Variants in SYNPO observed in about 807,000 individuals in gnomAD.
The protein encoded by SYNPO is synaptopodin.
SYNPO carries 19 observed loss-of-function variants against 49.5 expected under a neutral mutation model. The observed-to-expected ratio is 0.38, with a 90% CI of 0.27 to 0.56. The LOEUF (loss-of-function observed/expected upper bound fraction) is 0.56, where lower values mean the gene tolerates loss of function less well. SYNPO is among the 20% of genes least tolerant of loss of function. The pLI, the probability that SYNPO is intolerant of heterozygous loss-of-function variation, is 0.68. For missense variants in SYNPO, 1,131 were observed against 1,248.3 expected, an observed-to-expected ratio of 0.91 and a Z score of 1.42; for synonymous variants, 536 against 548.0, an observed-to-expected ratio of 0.98 and a Z score of 0.31.
chr5:150,621,031 C>A (rs1242812036), intron 2 of SYNPO, among the ~76,000 whole-genome samples: 1 of 148,334 alleles, frequency 6.7e-6, no homozygotes, highest in African/African-American at 2.5e-5. Flanking sequence ...CGGCTCATTG[C>A]GACCTCCGCC....
rs949229773 is a variant in SYNPO at position 150,646,215 on chromosome 5, C to T, written c.-332-1729C>T. Reference sequence around the variant, plus strand: ...ATTGGCTAAGTGTGGTGGCGCACACCGATAGTCCAGATATTTGGGAGGCCG... The same window carrying T: ...ATTGGCTAAGTGTGGTGGCGCACACTGATAGTCCAGATATTTGGGAGGCCG... On this transcript the variant is annotated intron_variant, in intron 1 of 2. Coordinates refer to ENST00000307662, the MANE Select transcript of SYNPO (RefSeq NM_007286.6). Among the ~76,000 whole-genome samples the T allele has an allele frequency of 2.0e-5, 3 of 150,714 alleles. No individual in the cohort carries two copies. The East Asian group carries it at 5.8e-4, about 29-fold the overall frequency.
intron 2 of SYNPO, chr5:150,650,933 TCC>T: frequency 1.6e-6 from 2 of 1,253,066 alleles, no homozygotes; most frequent in South Asian, 8.1e-5. Flanking sequence ...CCGCCTGCGC[TCC>T]CCTCCAGGGT....
chr5:150,591,378 T>G, the SYNPO span, among the ~76,000 whole-genome samples: 2 of 152,182 alleles, frequency 1.3e-5, no homozygotes, highest in Non-Finnish European at 2.9e-5. Flanking sequence ...CATGCGCAGC[T>G]GAGCCCCCAG....
chr5:150,654,566 G>A lies in SYNPO; in HGVS notation c.2029-1838G>A, dbSNP rs116782177. The stretch of plus-strand genomic sequence containing the variant: ...CTTAAGTACATAGGAAACAGGTATG[G>A]CTCTGCATCGCTGACCAGTGCTTCA... On this transcript the variant is annotated intron_variant, in intron 2 of 2. Coordinates refer to ENST00000307662, the MANE Select transcript of SYNPO (RefSeq NM_007286.6). Among the ~76,000 whole-genome samples the A allele has an allele frequency of 3.4e-3, 512 of 152,268 alleles. 3 individuals are homozygous for A. The highest frequency in any genetic ancestry group is 0.012 in the African/African-American group (484 of 41,554).
upstream of SYNPO, among the ~76,000 whole-genome samples, chr5:150,637,784 T>G (rs1433292981): frequency 6.6e-6 from 1 of 152,228 alleles, no homozygotes; most frequent in Non-Finnish European, 1.5e-5. Flanking sequence ...CAGGGCGCTG[T>G]CCTTCACTTT....
intron 1 of SYNPO, 49 bp from the exon 2 acceptor site, chr5:150,647,895 G>C: frequency 6.6e-7 from 1 of 1,512,854 alleles, no homozygotes; most frequent in Non-Finnish European, 8.9e-7. Flanking sequence ...GTGCACCCCT[G>C]TGTCACTGCA....
intron 2 of SYNPO, among the ~76,000 whole-genome samples, chr5:150,622,321 A>C (rs972408094): frequency 6.6e-6 from 1 of 152,158 alleles, no homozygotes; most frequent in Non-Finnish European, 1.5e-5. Context: ...CACCCTCTCT[A>C]CTGCCTGTCT....
At chr5:150,588,850 A>C in the SYNPO span, among the ~76,000 whole-genome samples, 1 of 152,290 alleles carries the variant, frequency 6.6e-6, no homozygotes, top group Admixed American at 6.5e-5. Context: ...TACAAAAAAA[A>C]GGCAGCAAAC....
upstream of SYNPO, among the ~76,000 whole-genome samples, chr5:150,598,765 T>A (rs765520451): frequency 2.0e-5 from 3 of 151,986 alleles, no homozygotes; most frequent in Non-Finnish European, 4.4e-5. Context: ...ACACAACTCA[T>A]GGACTTTCCA....
intron 1 of SYNPO, among the ~76,000 whole-genome samples, chr5:150,606,394 C>T (rs1017770348): frequency 2.0e-5 from 3 of 152,252 alleles, no homozygotes; most frequent in Non-Finnish European, 4.4e-5. Flanking sequence ...ATTGTTTCAT[C>T]CTCACAACCA....
intron 2 of SYNPO, among the ~76,000 whole-genome samples, chr5:150,634,301 G>A (rs972671159): frequency 3.9e-5 from 6 of 152,198 alleles, no homozygotes; most frequent in Non-Finnish European, 8.8e-5. Flanking sequence ...ACTTGCCAGA[G>A]GCCTCACATT....
At chr5:150,652,105 CA>C (rs1758409447) in intron 2 of SYNPO, 1 of 1,000,782 alleles carries the variant, frequency 1.0e-6, no homozygotes. Flanking sequence ...TTAGTGAGCT[CA>C]TTTCACACAG....
chr5:150,644,907 G>C (rs1758033645), intron 1 of SYNPO, among the ~76,000 whole-genome samples: 1 of 152,210 alleles, frequency 6.6e-6, no homozygotes, highest in African/African-American at 2.4e-5. Context: ...TAATATCATG[G>C]GTGGGTGGGA....
chr5:150,608,020 C>T (rs141620536), intron 1 of SYNPO, among the ~76,000 whole-genome samples: 18 of 152,284 alleles, frequency 1.2e-4, no homozygotes, highest in African/African-American at 4.1e-4. Flanking sequence ...GGCTAGTGGC[C>T]GCCATGTTGG....
At chr5:150,588,224 T>C in the SYNPO span, among the ~76,000 whole-genome samples, 2 of 152,200 alleles carry the variant, frequency 1.3e-5, no homozygotes, top group Non-Finnish European at 2.9e-5. Flanking sequence ...TCCAACTCCC[T>C]CTTGAGCCAG....
rs764551405 is a variant in SYNPO, at chr5:150,650,140, G to C, written c.1865G>C (p.Gly622Ala). ...CCTCGGCCCTCGCGCTCCTCACCGG[G>C]CCTCTACACCTCCCCCGGCCAGGAC... ...ALPRPSRSSP[G>A]LYTSPGQDSL... The change falls in exon 2 of 3, where the codon GGC (glycine) becomes GCC (alanine). Residue 622 changes from glycine (G) to alanine (A), a missense_variant. By Grantham distance (60) the Gly-to-Ala change is moderately conservative (BLOSUM62 0). This residue lies in a region of SYNPO where 509 missense variants were observed against 484.5 expected (regional missense o/e 1.05). Coordinates refer to ENST00000307662, the MANE Select transcript of SYNPO (RefSeq NM_007286.6). 6.2e-7 allele frequency: 1 copy of C among 1,612,114 alleles called. No individual in the cohort carries two copies. Among genetic ancestry groups the C allele is most frequent in the South Asian group, 1.1e-5 (1 of 90,976 alleles).
intron 1 of SYNPO, among the ~76,000 whole-genome samples, chr5:150,611,340 G>A (rs770075677): frequency 3.9e-5 from 6 of 152,248 alleles, no homozygotes; most frequent in Non-Finnish European, 7.3e-5. Flanking sequence ...GTGAACAAAT[G>A]AGTAAATGAA....
chr5:150,591,092 G>A, the SYNPO span, among the ~76,000 whole-genome samples: 1 of 152,288 alleles, frequency 6.6e-6, no homozygotes. Context: ...TGGTGTCTGG[G>A]CCGGAAGGTC....
rs556771759 is a variant in SYNPO at position 150,655,858 on chromosome 5, C to T, written c.2029-546C>T. 3.7e-3 allele frequency among the ~76,000 whole-genome samples: 562 copies of T among 152,302 alleles called. 9 individuals are homozygous for T. The highest frequency in any genetic ancestry group is 0.02 in the Middle Eastern group (6 of 294). The stretch of plus-strand genomic sequence containing the variant: ...TAGAGACAGGGTTTCTGCATGTTGG[C>T]CAGGCTGGTCTCGAACTCCTGACCT... On this transcript the variant is annotated intron_variant, in intron 2 of 2. Transcript: ENST00000307662.
Sources: allele counts gnomAD v4.1 joint callset (sites outside exome capture counted in the v4.1 genomes callset), GRCh38; gene constraint gnomAD v4.1.1; regional missense constraint gnomAD v4.1.1; transcripts MANE v1.5; gene names NCBI Gene and HGNC (gene_info 2026-07-23, HGNC 2026-07-21).